Variants in ACTR3C observed in about 807,000 individuals in gnomAD.
The protein encoded by ACTR3C is actin-related protein 3C.
In ACTR3C, 18 loss-of-function variants were observed where a neutral mutation model predicts 26.3. That is an observed-to-expected ratio of 0.68 (90% CI 0.47 to 1.01). The LOEUF is 1.01. Among genes scored for constraint, ACTR3C ranks in the 50% least tolerant of loss-of-function variants. The pLI, the probability that ACTR3C is intolerant of heterozygous loss-of-function variation, is 0.00. For synonymous variants in ACTR3C, 55 were observed against 94.5 expected, an observed-to-expected ratio of 0.58 and a Z score of 2.42; for missense variants, 184 against 250.7, an observed-to-expected ratio of 0.73 and a Z score of 1.80.
the ACTR3C span, among the ~76,000 whole-genome samples, chr7:150,035,285 A>G: frequency 0.085 from 2,181 of 25,800 alleles, 454 homozygotes; most frequent in Non-Finnish European, 0.11. Flanking sequence ...TGCCTCGTGG[A>G]GAGTGCCTCC....
chr7:150,175,345 T>G, the ACTR3C span, among the ~76,000 whole-genome samples: 6,357 of 125,094 alleles, frequency 0.051, 326 homozygotes, highest in African/African-American at 0.14. Flanking sequence ...GATACACATG[T>G]TCCCCACCTT....
the ACTR3C span, among the ~76,000 whole-genome samples, chr7:150,072,920 G>A: frequency 6.6e-6 from 1 of 152,228 alleles, no homozygotes; most frequent in East Asian, 1.9e-4. Context: ...GCCCAGATGA[G>A]CGAGAACAAG....
the ACTR3C span, among the ~76,000 whole-genome samples, chr7:150,101,270 T>G: frequency 1.3e-5 from 2 of 151,578 alleles, no homozygotes; most frequent in Non-Finnish European, 2.9e-5. Flanking sequence ...CATGCCATTG[T>G]GGAGAAATAA....
chr7:150,038,774 GTCTGGCTCTC>G, the ACTR3C span, among the ~76,000 whole-genome samples: 1 of 145,360 alleles, frequency 6.9e-6, no homozygotes, highest in East Asian at 2.0e-4. Flanking sequence ...GGGGAAGAGG[GTCTGGCTCTC>G]AGTCCCCGCC....
chr7:150,209,267 A>G, the ACTR3C span, among the ~76,000 whole-genome samples: 1 of 142,826 alleles, frequency 7.0e-6, no homozygotes, highest in African/African-American at 2.9e-5. Flanking sequence ...AGACAGAAAC[A>G]GAGAGAGAGA....
At chr7:150,228,318 T>C in the ACTR3C span, among the ~76,000 whole-genome samples, 1 of 152,172 alleles carries the variant, frequency 6.6e-6, no homozygotes, top group Non-Finnish European at 1.5e-5. Context: ...TTCTGGTACA[T>C]AGAAAAACAA....
chr7:149,982,944 C>T, the ACTR3C span, among the ~76,000 whole-genome samples: 34 of 152,280 alleles, frequency 2.2e-4, no homozygotes, highest in Middle Eastern at 3.4e-3. Flanking sequence ...TGAGTGTGGG[C>T]GTCCTTGTCT....
chr7:150,103,134 T>C, the ACTR3C span, among the ~76,000 whole-genome samples: 2 of 151,832 alleles, frequency 1.3e-5, no homozygotes, highest in South Asian at 4.2e-4. Flanking sequence ...AAATCCTCTA[T>C]TATAGGGAAG....
the ACTR3C span, among the ~76,000 whole-genome samples, chr7:150,019,460 T>C: frequency 6.8e-6 from 1 of 147,470 alleles, no homozygotes; most frequent in African/African-American, 2.6e-5. Flanking sequence ...GGCATGGTGA[T>C]GCGTGCCTGT....
At chr7:150,226,570 G>A in the ACTR3C span, among the ~76,000 whole-genome samples, 1 of 152,192 alleles carries the variant, frequency 6.6e-6, no homozygotes, top group African/African-American at 2.4e-5. Flanking sequence ...CTGAGTAGCT[G>A]GGGCTACAGG....
the ACTR3C span, among the ~76,000 whole-genome samples, chr7:149,888,823 C>T: frequency 2.6e-5 from 4 of 152,120 alleles, no homozygotes; most frequent in East Asian, 5.8e-4. Context: ...GTCTGGCCAA[C>T]GTGGTGAAAC....
the ACTR3C span, among the ~76,000 whole-genome samples, chr7:149,967,565 T>G: frequency 1.3e-5 from 2 of 152,184 alleles, no homozygotes; most frequent in Non-Finnish European, 2.9e-5. Flanking sequence ...AGCTCTGTCC[T>G]CTAAAAATGA....
the ACTR3C span, among the ~76,000 whole-genome samples, chr7:150,109,175 C>T: frequency 2.0e-5 from 3 of 151,870 alleles, no homozygotes; most frequent in Non-Finnish European, 4.4e-5. Flanking sequence ...AAAATCAATG[C>T]TCCGTTTTTA....
At chr7:150,308,245 C>A (rs558775997) in intron 1 of ACTR3C, among the ~76,000 whole-genome samples, 6 of 152,214 alleles carry the variant, frequency 3.9e-5, no homozygotes, top group African/African-American at 1.4e-4. Context: ...TATGGGCAAC[C>A]TTCCACCCTC....
chr7:150,149,080 T>C, the ACTR3C span, among the ~76,000 whole-genome samples: 1 of 148 alleles, frequency 6.8e-3, no homozygotes, highest in South Asian at 0.25. Flanking sequence ...AAAGTTTGAG[T>C]ATATATATAT....
intron 6 of ACTR3C, among the ~76,000 whole-genome samples, chr7:150,252,561 A>G (rs1471975979): frequency 2.6e-5 from 4 of 152,232 alleles, no homozygotes; most frequent in South Asian, 2.1e-4. Context: ...ACGGAAAGTA[A>G]ATAAAGAGTA....
the ACTR3C span, among the ~76,000 whole-genome samples, chr7:149,885,825 A>G: frequency 1.3e-5 from 2 of 152,240 alleles, no homozygotes; most frequent in Non-Finnish European, 2.9e-5. Context: ...CAATTGATTC[A>G]GCAAACATAT....
chr7:150,039,379 G>T, the ACTR3C span, among the ~76,000 whole-genome samples: 17 of 98,984 alleles, frequency 1.7e-4, no homozygotes, highest in East Asian at 3.8e-4. Flanking sequence ...TGCGATGGGG[G>T]TCCTAAGAAC....
At chr7:150,048,551 C>T in the ACTR3C span, among the ~76,000 whole-genome samples, 2,272 of 149,838 alleles carry the variant, frequency 0.015, 1 homozygote, top group South Asian at 0.028. Flanking sequence ...TGCGCGTGCC[C>T]CGCAGCACGC....
Sources: allele counts gnomAD v4.1 joint callset (sites outside exome capture counted in the v4.1 genomes callset), GRCh38; gene constraint gnomAD v4.1.1; transcripts MANE v1.5; gene names NCBI Gene and HGNC (gene_info 2026-07-23, HGNC 2026-07-21).